Variants in PCDHA1 observed in about 807,000 individuals in gnomAD.
The protein encoded by PCDHA1 is protocadherin alpha-1.
PCDHA1 carries 42 observed loss-of-function variants against 61.3 expected under a neutral mutation model. The observed-to-expected ratio is 0.69, with a 90% confidence interval of 0.54 to 0.89. The LOEUF (loss-of-function observed/expected upper bound fraction) is 0.89, where lower values mean the gene tolerates loss of function less well. PCDHA1 is among the 40% of genes least tolerant of loss of function. PCDHA1 has a pLI of 0.00. For synonymous variants in PCDHA1, 610 were observed against 553.8 expected (o/e 1.10, Z -1.43); for missense variants, 1,256 against 1,235.3 (o/e 1.02, Z -0.25).
intron 1 of PCDHA1, chr5:140,834,548 G>T (rs1264423031): frequency 1.2e-6 from 2 of 1,613,978 alleles, no homozygotes; most frequent in African/African-American, 2.7e-5. Context: ...TGGGGCTGGA[G>T]CTGGCGGAGC....
At position 140,786,995 on chromosome 5, in the gene PCDHA1, T is replaced by A; in HGVS notation, c.705T>A (p.Val235=). ...TVELLITVLD[V]NDNAPLFDQA... is the part of the protein sequence containing the mutation. ...AGCTGCTGATCACCGTCCTCGACGTTAATGATAACGCCCCACTGTTTGACC... is the reference window on the plus strand; with the variant it reads ...AGCTGCTGATCACCGTCCTCGACGTAAATGATAACGCCCCACTGTTTGACC... Residue 235 remains valine (V), a synonymous_variant, in exon 1 of 4, where the codon GTT becomes GTA. Transcript: ENST00000504120. 2 of 1,614,170 alleles carry A rather than the reference T, an allele frequency of 1.2e-6. No homozygotes were observed. Among genetic ancestry groups the A allele is most frequent in the Non-Finnish European group, 1.7e-6 (2 of 1,180,018 alleles).
At chr5:140,879,234 G>A (rs1483424901) in intron 1 of PCDHA1, among the ~76,000 whole-genome samples, 1 of 152,180 alleles carries the variant, frequency 6.6e-6, no homozygotes, top group Non-Finnish European at 1.5e-5. Flanking sequence ...ACATATACAA[G>A]AGGCACTGGC....
At chr5:140,830,567 G>C (rs1771136580) in intron 1 of PCDHA1, 1 of 950,998 alleles carries the variant, frequency 1.1e-6, no homozygotes, top group South Asian at 3.4e-5. Flanking sequence ...CTATATTTCT[G>C]TTTTTAATTT....
At chr5:140,822,645 C>A in intron 1 of PCDHA1, 1 of 1,610,004 alleles carries the variant, frequency 6.2e-7, no homozygotes, top group Non-Finnish European at 8.5e-7. Flanking sequence ...ATGTAAAGTC[C>A]AAATTTATAA....
chr5:140,808,109 A>G, intron 1 of PCDHA1: 1 of 1,614,014 alleles, frequency 6.2e-7, no homozygotes, highest in Non-Finnish European at 8.5e-7. Flanking sequence ...AAAGGGATAT[A>G]TTGACTTTGA....
At chr5:140,929,174 G>A (rs782544510) in intron 1 of PCDHA1, 2 of 1,614,140 alleles carry the variant, frequency 1.2e-6, no homozygotes, top group East Asian at 4.5e-5. Context: ...GCCTCTCTGG[G>A]ACTTGGTTCT....
intron 1 of PCDHA1, chr5:140,883,246 AAATATTCCAATGGCGGG>A: frequency 6.2e-7 from 1 of 1,614,082 alleles, no homozygotes; most frequent in Admixed American, 1.7e-5. Context: ...TTGACAAAGG[AAATATTCCAATGGCGGG>A]TCATTGTACC....
In PCDHA1 at chr5:140,803,369, C is replaced by T. The variant is rs140796793; in HGVS notation, c.2394+14685C>T. ...TGCTATATACTGCTCTGCGGTGCTC[C>T]GCGCCGCCAACCGAAGGCGACTGTG... On this transcript the variant is annotated intron_variant, in intron 1 of 3. Coordinates refer to ENST00000504120, the MANE Select transcript of PCDHA1 (RefSeq NM_018900.4). 2.5e-6 allele frequency: 4 copies of T among 1,614,078 alleles called. No homozygotes were observed. The African/African-American group carries it at 4.0e-5, about 16-fold the overall frequency.
chr5:140,876,764 G>A (rs1562718507), intron 1 of PCDHA1: 3 of 1,614,220 alleles, frequency 1.9e-6, no homozygotes, highest in Non-Finnish European at 2.5e-6. Context: ...CGGGATGGGG[G>A]CTCGCCTTCG....
intron 3 of PCDHA1, among the ~76,000 whole-genome samples, chr5:140,982,864 T>G (rs1294289316): frequency 1.3e-5 from 2 of 152,114 alleles, no homozygotes; most frequent in Non-Finnish European, 2.9e-5. Flanking sequence ...TTCAAATGCT[T>G]AGGTCATCCA....
intron 1 of PCDHA1, among the ~76,000 whole-genome samples, chr5:140,899,689 C>A (rs1033793263): frequency 4.6e-5 from 7 of 152,254 alleles, no homozygotes; most frequent in Admixed American, 4.6e-4. Flanking sequence ...ATGATGCTGG[C>A]CTCATAAAAT....
chr5:140,807,357 C>A (rs949440782), intron 1 of PCDHA1: 2 of 1,610,572 alleles, frequency 1.2e-6, no homozygotes, highest in Non-Finnish European at 1.7e-6. Context: ...CTGGAGCTGG[C>A]GGAGCTGGTG....
intron 1 of PCDHA1, chr5:140,884,066 G>T (rs2059975136): frequency 6.2e-7 from 1 of 1,613,514 alleles, no homozygotes; most frequent in Non-Finnish European, 8.5e-7. Context: ...GGTGGACGCC[G>T]ATTCGGGCTA....
intron 1 of PCDHA1, chr5:140,875,337 A>C (rs2055422229): frequency 1.6e-5 from 23 of 1,440,366 alleles, no homozygotes; most frequent in Non-Finnish European, 1.7e-5. Context: ...AATAGGATCG[A>C]CTCCATAATG....
chr5:140,797,859 T>C (rs1163584725), intron 1 of PCDHA1, among the ~76,000 whole-genome samples: 7 of 152,084 alleles, frequency 4.6e-5, no homozygotes, highest in African/African-American at 1.7e-4. Context: ...TTTTTTTGTT[T>C]GTTTGTTTTT....
intron 1 of PCDHA1, chr5:140,857,805 C>CG: frequency 6.3e-7 from 1 of 1,597,714 alleles, no homozygotes; most frequent in Non-Finnish European, 8.6e-7. Context: ...TCGGTGGTTG[C>CG]GGGTCACGTG....
At chr5:141,004,833 C>A (rs1421886072) in intron 3 of PCDHA1, among the ~76,000 whole-genome samples, 1 of 152,168 alleles carries the variant, frequency 6.6e-6, no homozygotes, top group Non-Finnish European at 1.5e-5. Flanking sequence ...TTAGATAGAT[C>A]AAAGTCATTA....
chr5:140,853,936 A>G, intron 1 of PCDHA1: 1 of 845,796 alleles, frequency 1.2e-6, no homozygotes, highest in Non-Finnish European at 1.5e-6. Context: ...TGGGAGGCCA[A>G]GGTGGGAGGG....
At chr5:140,790,496 G>A (rs1240182865) in intron 1 of PCDHA1, among the ~76,000 whole-genome samples, 2 of 152,254 alleles carry the variant, frequency 1.3e-5, no homozygotes, top group East Asian at 3.9e-4. Flanking sequence ...AAAATAGGCT[G>A]TAAACATGTT....
Sources: allele counts gnomAD v4.1 joint callset (sites outside exome capture counted in the v4.1 genomes callset), GRCh38; gene constraint gnomAD v4.1.1; transcripts MANE v1.5; gene names NCBI Gene and HGNC (gene_info 2026-07-23, HGNC 2026-07-21).